Variants in PPEF1 observed in about 807,000 individuals in gnomAD.
PPEF1 encodes protein phosphatase with EF-hand domain 1, also known as serine/threonine-protein phosphatase with EF-hands 1.
A neutral mutation model predicts 53.3 loss-of-function variants in PPEF1; 12 were observed. That is an observed-to-expected ratio of 0.23 (90% confidence interval 0.14 to 0.36). The LOEUF (loss-of-function observed/expected upper bound fraction) is 0.36. Ranked by LOEUF, PPEF1 falls within the 10% of genes least tolerant of loss-of-function variation. The probability of loss-of-function intolerance (pLI) is 1.00; values close to 1 mark genes in which losing one functional copy is unlikely to be tolerated. For missense variants in PPEF1, 334 were observed against 490.4 expected (o/e 0.68, Z 3.01); for synonymous variants, 165 against 176.7 (o/e 0.93, Z 0.52).
chrX:18,795,942 T>C (rs1349941269), intron 10 of PPEF1, among the ~76,000 whole-genome samples: 1 of 111,705 alleles, frequency 9.0e-6, no homozygotes, highest in African/African-American at 3.3e-5. Flanking sequence ...ACACTGGGTT[T>C]TGTTTGTTTG....
chrX:18,791,175 T>G (rs1269687994), intron 10 of PPEF1, among the ~76,000 whole-genome samples: 1 of 111,728 alleles, frequency 9.0e-6, no homozygotes, highest in African/African-American at 3.2e-5. Context: ...GAAGTGTGAG[T>G]TCTCCAACTT....
intron 12 of PPEF1, among the ~76,000 whole-genome samples, chrX:18,806,814 C>T (rs1010559278): frequency 3.6e-5 from 4 of 111,504 alleles, no homozygotes; most frequent in Admixed American, 2.9e-4. Flanking sequence ...AAGAAGATCC[C>T]CACACCCACT....
At chrX:18,825,328 A>G (rs1050229174) in intron 14 of PPEF1, among the ~76,000 whole-genome samples, 3 of 111,826 alleles carry the variant, frequency 2.7e-5, no homozygotes, top group Non-Finnish European at 5.6e-5. Flanking sequence ...GCAGTTTACC[A>G]TGGTGACTAA....
intron 3 of PPEF1, among the ~76,000 whole-genome samples, chrX:18,740,602 G>C (rs966460019): frequency 9.1e-6 from 1 of 109,926 alleles, no homozygotes; most frequent in Admixed American, 9.8e-5. Context: ...GTAGAGACAG[G>C]GTTTGAGAAT....
At chrX:18,758,959 T>C (rs1279343734) in intron 5 of PPEF1, among the ~76,000 whole-genome samples, 1 of 111,410 alleles carries the variant, frequency 9.0e-6, no homozygotes, top group African/African-American at 3.3e-5. Flanking sequence ...TATTCCTTGC[T>C]CTTATGGGTG....
chrX:18,775,081 T>A, intron 6 of PPEF1, among the ~76,000 whole-genome samples: 1 of 111,373 alleles, frequency 9.0e-6, no homozygotes, highest in East Asian at 2.8e-4. Flanking sequence ...TCTTATTTAT[T>A]CTTCCTGATT....
In PPEF1 at chrX:18,740,660, C is replaced by T. The variant is rs779495008; in HGVS notation, c.235+6852C>T. Among the ~76,000 whole-genome samples, 9 of 111,302 alleles carry T rather than the reference C, an allele frequency of 8.1e-5. No individual in the cohort carries two copies. The South Asian group carries it at 3.4e-3, about 42-fold the overall frequency. ...CCCTGACCTCGTGATCTGCCTGCCT[C>T]AGTCTCCCAAAGTGCTGGGATTACA... On this transcript the variant is annotated intron_variant, in intron 3 of 15. Coordinates refer to ENST00000470157, the MANE Select transcript of PPEF1 (RefSeq NM_001377996.1).
At chrX:18,796,813 T>C (rs1458543319) in intron 10 of PPEF1, among the ~76,000 whole-genome samples, 1 of 111,923 alleles carries the variant, frequency 8.9e-6, no homozygotes, top group African/African-American at 3.2e-5. Context: ...TAGGAAAGGA[T>C]GCCTCCTTAA....
At chrX:18,681,049 C>G (rs2038380242), upstream of PPEF1, among the ~76,000 whole-genome samples, 1 of 111,437 alleles carries the variant, frequency 9.0e-6, no homozygotes, top group Admixed American at 9.6e-5. Flanking sequence ...CAAGTCTTTG[C>G]TATTGTGAAT....
In PPEF1 at chrX:18,698,774, T is replaced by C. The variant is rs763428841; in HGVS notation, c.-226+843T>C. On this transcript the variant is annotated intron_variant, in intron 5 of 21. Transcript: ENST00000361511. ...CACAGCCTGGGTGACAGAGTGAGAC[T>C]CTGTCTTAAAAATAAGAAAACACAC... is the stretch of plus-strand genomic sequence containing the variant. Among the ~76,000 whole-genome samples the C allele has an allele frequency of 1.1e-3, 127 of 111,823 alleles. No homozygotes were observed. In the Middle Eastern group the frequency reaches 0.032, roughly 28 times the overall value.
intron 3 of PPEF1, among the ~76,000 whole-genome samples, chrX:18,688,149 G>A (rs1929178379): frequency 8.9e-6 from 1 of 112,205 alleles, no homozygotes; most frequent in Admixed American, 9.5e-5. Context: ...GCACAGAGGA[G>A]TTCATTTCTA....
chrX:18,806,624 C>T (rs921231833), intron 12 of PPEF1, 79 bp downstream of exon 12: 3 of 940,388 alleles, frequency 3.2e-6, no homozygotes, highest in Non-Finnish European at 4.3e-6. Flanking sequence ...TAAGAGCAGC[C>T]ACGTGAGTGA....
chrX:18,696,197 G>A (rs772877757), intron 4 of PPEF1, among the ~76,000 whole-genome samples: 4 of 110,594 alleles, frequency 3.6e-5, no homozygotes, highest in Non-Finnish European at 5.7e-5. Flanking sequence ...CTGTTGCCTA[G>A]GCTGGAGTAT....
chrX:18,685,257 G>A (rs1263886018), intron 2 of PPEF1, among the ~76,000 whole-genome samples: 1 of 112,273 alleles, frequency 8.9e-6, no homozygotes, highest in East Asian at 2.8e-4. Context: ...AAGAATTGGG[G>A]ATCTTTTGGA....
At chrX:18,701,591 G>C (rs1202614202) in intron 6 of PPEF1, among the ~76,000 whole-genome samples, 1 of 112,484 alleles carries the variant, frequency 8.9e-6, no homozygotes, top group East Asian at 2.8e-4. Flanking sequence ...CACTGGGCCA[G>C]CATTAGGCAG....
chrX:18,808,647 G>A (rs1224665703), intron 12 of PPEF1, among the ~76,000 whole-genome samples: 4 of 110,663 alleles, frequency 3.6e-5, no homozygotes, highest in Non-Finnish European at 7.6e-5. Flanking sequence ...ACAGGTATAC[G>A]AAAAGATGCT....
At chrX:18,739,758 C>G (rs1040614707) in intron 3 of PPEF1, among the ~76,000 whole-genome samples, 1 of 112,450 alleles carries the variant, frequency 8.9e-6, no homozygotes, top group Non-Finnish European at 1.9e-5. Context: ...GCAGGCAGGC[C>G]TCCTTGAGCT....
At chrX:18,734,891 T>C (rs1270328640) in intron 3 of PPEF1, among the ~76,000 whole-genome samples, 1 of 112,482 alleles carries the variant, frequency 8.9e-6, no homozygotes, top group Admixed American at 9.4e-5. Flanking sequence ...ACGATGAGCA[T>C]TTTTTCATGT....
intron 1 of PPEF1, among the ~76,000 whole-genome samples, chrX:18,726,794 T>C (rs777754061): frequency 5.4e-5 from 6 of 110,177 alleles, no homozygotes; most frequent in Admixed American, 4.9e-4. Context: ...CCCAAGTAGC[T>C]GGGATTACAA....
Sources: allele counts gnomAD v4.1 joint callset (sites outside exome capture counted in the v4.1 genomes callset), GRCh38; gene constraint gnomAD v4.1.1; transcripts MANE v1.5; gene names NCBI Gene and HGNC (gene_info 2026-07-23, HGNC 2026-07-21).